Variants in HEATR4 observed in about 807,000 individuals in gnomAD.
HEATR4 encodes the protein HEAT repeat containing 4, also known as HEAT repeat-containing protein 4.
In HEATR4, 95 loss-of-function variants were observed where a neutral mutation model predicts 108.8. The ratio of observed to expected loss-of-function variants is 0.87; its 90% CI spans 0.74 to 1.04. The LOEUF (loss-of-function observed/expected upper bound fraction) is 1.04. Among genes scored for constraint, HEATR4 ranks in the 50% least tolerant of loss-of-function variants. The pLI is 0.00. For missense variants in HEATR4, 1,152 were observed against 1,253.8 expected, an observed-to-expected ratio of 0.92 and a Z score of 1.23; for synonymous variants, 443 against 459.4, an observed-to-expected ratio of 0.96 and a Z score of 0.46.
At chr14:73,559,528 G>A (rs1049763197), upstream of HEATR4, among the ~76,000 whole-genome samples, 1 of 149,984 alleles carries the variant, frequency 6.7e-6, no homozygotes, top group Non-Finnish European at 1.5e-5. Flanking sequence ...TCAGGAGTTA[G>A]AGACCAGCCT....
the HEATR4 span, chr14:73,592,261 C>G: frequency 1.9e-6 from 3 of 1,613,238 alleles, no homozygotes; most frequent in Non-Finnish European, 2.5e-6. Flanking sequence ...GTACAGATTC[C>G]TTTTGTCGTG....
intron 1 of HEATR4, among the ~76,000 whole-genome samples, chr14:73,550,908 C>T (rs1889309802): frequency 8.8e-6 from 1 of 114,254 alleles, no homozygotes; most frequent in African/African-American, 2.8e-5. Context: ...GGCTATAGTC[C>T]CAGCACTTTG....
chr14:73,573,916 G>A, the HEATR4 span, among the ~76,000 whole-genome samples: 9 of 152,000 alleles, frequency 5.9e-5, no homozygotes, highest in African/African-American at 2.2e-4. Flanking sequence ...TAGTGGAGGC[G>A]GGGTTTCACA....
intron 9 of HEATR4, among the ~76,000 whole-genome samples, chr14:73,507,180 G>C (rs966405338): frequency 6.6e-6 from 1 of 152,136 alleles, no homozygotes; most frequent in Non-Finnish European, 1.5e-5. Context: ...TCTATTGAAA[G>C]TAACTAAACA....
chr14:73,593,336 C>CTTTTT, the HEATR4 span, among the ~76,000 whole-genome samples: 559 of 104,804 alleles, frequency 5.3e-3, no homozygotes, highest in East Asian at 8.7e-3. Flanking sequence ...TTCTTTCTTT[C>CTTTTT]TTTTTTTTTT....
At chr14:73,625,576 G>A in the HEATR4 span, among the ~76,000 whole-genome samples, 1 of 151,114 alleles carries the variant, frequency 6.6e-6, no homozygotes, top group Non-Finnish European at 1.5e-5. Context: ...GACCAGGCTG[G>A]TCTCGAACTC....
chr14:73,620,258 A>C, the HEATR4 span, among the ~76,000 whole-genome samples: 5,190 of 152,214 alleles, frequency 0.034, 299 homozygotes, highest in African/African-American at 0.12. Flanking sequence ...TTTAGTGACA[A>C]AGCAACCAGC....
chr14:73,592,867 G>GA, the HEATR4 span, among the ~76,000 whole-genome samples: 4 of 151,916 alleles, frequency 2.6e-5, no homozygotes, highest in South Asian at 4.2e-4. Flanking sequence ...AAAGAAAAAA[G>GA]AAAAAAAAGG....
At chr14:73,569,804 G>A in the HEATR4 span, 4 of 1,602,724 alleles carry the variant, frequency 2.5e-6, no homozygotes, top group South Asian at 2.2e-5. Flanking sequence ...CGCGGCACGA[G>A]CGCTACTTCC....
At chr14:73,542,115 C>A (rs1318365819) in intron 1 of HEATR4, among the ~76,000 whole-genome samples, 2 of 112,200 alleles carry the variant, frequency 1.8e-5, no homozygotes, top group African/African-American at 3.0e-5. Context: ...CTTGGCCTCC[C>A]CAGGTGCTGG....
chr14:73,530,204 C>T lies in HEATR4; in HGVS notation c.-111G>A, dbSNP rs77303827. The T allele has an allele frequency of 0.018, 2,463 of 139,680 alleles. 76 individuals carry two copies. Among genetic ancestry groups the T allele is most frequent in the African/African-American group, 0.047 (1,723 of 36,650 alleles). 8.7% of individuals were successfully genotyped at this position (139,680 alleles called of 1,614,324 possible). A position where few individuals can be genotyped will look rare whatever the true frequency, so the allele number is the denominator to read the frequency against. ...CTGGTTTCAAACTCCTGGAATCAAGCGATCTTCCTGCCTTGGCCTCCAGAA... is the reference window on the plus strand; with the variant it reads ...CTGGTTTCAAACTCCTGGAATCAAGTGATCTTCCTGCCTTGGCCTCCAGAA... On this transcript the variant is annotated 5_prime_UTR_variant, in exon 2 of 18. Transcript: ENST00000553558.
rs1309422011 is a variant in HEATR4, at chr14:73,478,833, G to A, written c.2854C>T (p.Pro952Ser). 6 of 1,602,348 alleles carry A rather than the reference G, an allele frequency of 3.7e-6. No homozygotes were observed. Among genetic ancestry groups the A allele is most frequent in the South Asian group, 3.3e-5 (3 of 90,666 alleles). ...DTEAVIKPVK[P>S]RAPNPWLQSS... ...TGTAACCAGGGATTTGGTGCGCGGG[G>A]CTTCACAGGCTGCAGAGAAACATGA... The change falls in exon 18 of 18, where the codon CCC becomes TCC. Residue 952 changes from proline to serine, a missense_variant. Transcript: ENST00000553558.
At chr14:73,588,924 A>G in the HEATR4 span, among the ~76,000 whole-genome samples, 1 of 151,826 alleles carries the variant, frequency 6.6e-6, no homozygotes, top group Admixed American at 6.6e-5. Context: ...TACGTTTTAT[A>G]TTTTAAAGCA....
the HEATR4 span, among the ~76,000 whole-genome samples, chr14:73,594,537 T>C: frequency 2.6e-5 from 4 of 152,172 alleles, no homozygotes; most frequent in African/African-American, 9.7e-5. Context: ...GTGTTTGCCA[T>C]GTGTTCAGCC....
chr14:73,494,430 T>C (rs941183626), intron 16 of HEATR4, among the ~76,000 whole-genome samples: 4 of 152,252 alleles, frequency 2.6e-5, no homozygotes, highest in Non-Finnish European at 5.9e-5. Context: ...TTTTCTGTTA[T>C]TTAAGGTTGA....
At chr14:73,609,198 G>C in the HEATR4 span, among the ~76,000 whole-genome samples, 1 of 152,194 alleles carries the variant, frequency 6.6e-6, no homozygotes, top group Non-Finnish European at 1.5e-5. Flanking sequence ...GAATTGGCTG[G>C]TGAATACCAA....
intron 11 of HEATR4, among the ~76,000 whole-genome samples, chr14:73,502,501 C>G (rs2140264741): frequency 6.6e-6 from 1 of 151,928 alleles, no homozygotes; most frequent in East Asian, 1.9e-4. Flanking sequence ...GTCCAGGGTC[C>G]GTACAGAGGA....
Position 73,492,632 on chromosome 14 carries a change from G to A in HEATR4, c.2844+434C>T. 1 of 1,613,998 alleles carries A rather than the reference G, an allele frequency of 6.2e-7. No individual in the cohort carries two copies. The highest frequency in any genetic ancestry group is 1.3e-5 in the African/African-American group (1 of 75,060). ...GGAGGCTGGAGAACCTGTAAACGTG[G>A]GGGCCCAGTTGACAACAGAAACAGA... On this transcript the variant is annotated intron_variant, in intron 17 of 17. Transcript: ENST00000553558. This position sits in a 1 kb window ranked among gnomAD's most constrained non-coding sequence, Gnocchi z 4.9.
the HEATR4 span, among the ~76,000 whole-genome samples, chr14:73,566,416 A>G: frequency 6.6e-6 from 1 of 152,114 alleles, no homozygotes; most frequent in African/African-American, 2.4e-5. Context: ...CAGGCTGCAC[A>G]GGAGCCCACG....
Sources: gnomAD v4.1 joint callset for allele counts (sites outside exome capture counted in the v4.1 genomes callset) on GRCh38, gnomAD v4.1.1 for gene constraint, Gnocchi (gnomAD v3.1) non-coding constraint, MANE v1.5 for transcripts, NCBI Gene and HGNC (gene_info 2026-07-23, HGNC 2026-07-21) for gene names.